DLC1: variants seen among roughly 807,000 people sequenced by gnomAD.
DLC1 encodes rho GTPase-activating protein 7.
Under a neutral mutation model 140.3 loss-of-function variants are expected in DLC1, and 54 were observed. The observed-to-expected ratio is 0.38, with a 90% CI of 0.31 to 0.48. The LOEUF is 0.48. Ranked by LOEUF, DLC1 falls within the 20% of genes least tolerant of loss-of-function variation. The pLI, the probability that DLC1 is intolerant of heterozygous loss-of-function variation, is 0.96. For synonymous variants in DLC1, 986 were observed against 728.1 expected (o/e 1.35, Z -5.70); for missense variants, 2,536 against 1,907.0 (o/e 1.33, Z -6.14).
At chr8:13,210,815 A>G in intron 5 of DLC1, among the ~76,000 whole-genome samples, 1 of 152,178 alleles carries the variant, frequency 6.6e-6, no homozygotes, top group East Asian at 1.9e-4. Flanking sequence ...AAAACCAAAT[A>G]CAGCATTTGC....
intron 5 of DLC1, among the ~76,000 whole-genome samples, chr8:13,283,918 C>A (rs1831453674): frequency 6.6e-6 from 1 of 152,126 alleles, no homozygotes; most frequent in African/African-American, 2.4e-5. Context: ...AGAGTGAGAT[C>A]TGCAGAGGGG....
At chr8:13,445,331 G>C (rs947654465) in intron 2 of DLC1, among the ~76,000 whole-genome samples, 3 of 152,174 alleles carry the variant, frequency 2.0e-5, no homozygotes, top group Non-Finnish European at 2.9e-5. Context: ...GAGGATAAAC[G>C]AATGATCTGA....
intron 2 of DLC1, among the ~76,000 whole-genome samples, chr8:13,447,987 G>A (rs192922185): frequency 3.9e-5 from 6 of 152,124 alleles, no homozygotes; most frequent in Non-Finnish European, 8.8e-5. Flanking sequence ...TCTGTCCACA[G>A]TACAACAAAA....
chr8:13,389,633 G>C (rs1002249915), intron 4 of DLC1, among the ~76,000 whole-genome samples: 1 of 152,038 alleles, frequency 6.6e-6, no homozygotes, highest in African/African-American at 2.4e-5. Flanking sequence ...TCTACACATA[G>C]AATTAATGAA....
At chr8:13,273,637 T>C (rs772069189) in intron 5 of DLC1, among the ~76,000 whole-genome samples, 14 of 149,774 alleles carry the variant, frequency 9.3e-5, no homozygotes, top group Non-Finnish European at 1.8e-4. Flanking sequence ...CAAGGAGATG[T>C]AAATGATGCT....
At chr8:13,163,290 G>T (rs1394399845) in intron 5 of DLC1, among the ~76,000 whole-genome samples, 3 of 152,160 alleles carry the variant, frequency 2.0e-5, no homozygotes, top group Admixed American at 2.0e-4. Flanking sequence ...TGGATTGTTT[G>T]ATTGGTAAAT....
chr8:13,419,167 C>A, intron 2 of DLC1, among the ~76,000 whole-genome samples: 1 of 152,092 alleles, frequency 6.6e-6, no homozygotes, highest in East Asian at 1.9e-4. Context: ...CAAACAGGGA[C>A]AATTTGACTT....
Position 13,321,947 on chromosome 8 carries a change from G to T in DLC1, c.1315-16645C>A, listed in dbSNP as rs1055559867. Among the ~76,000 whole-genome samples the T allele has an allele frequency of 2.0e-5, 3 of 151,852 alleles. No individual in the cohort carries two copies. The East Asian group carries it at 5.8e-4, about 29-fold the overall frequency. On this transcript the variant is annotated intron_variant, in intron 4 of 17. Transcript: ENST00000276297. ...CTGCAAATATTTTTTTTAGTATCTG[G>T]GTAAAAATTCCATTAACAAATGCTG...
At chr8:13,412,599 T>G (rs1340457256) in intron 2 of DLC1, among the ~76,000 whole-genome samples, 1 of 152,158 alleles carries the variant, frequency 6.6e-6, no homozygotes, top group African/African-American at 2.4e-5. Flanking sequence ...TCACATGCAC[T>G]GACAGGGCCA....
chr8:13,586,283 C>T (rs965985375), intron 1 of DLC1, among the ~76,000 whole-genome samples: 1 of 152,070 alleles, frequency 6.6e-6, no homozygotes, highest in African/African-American at 2.4e-5. Context: ...GAATGAGGCT[C>T]TGAAACTTGG....
intron 5 of DLC1, among the ~76,000 whole-genome samples, chr8:13,185,178 T>G (rs1418357155): frequency 6.7e-6 from 1 of 149,836 alleles, no homozygotes; most frequent in Non-Finnish European, 1.5e-5. Context: ...CTCCATCCCT[T>G]TATTTTGAGC....
chr8:13,319,809 TTCTC>T (rs1235407854), intron 4 of DLC1, among the ~76,000 whole-genome samples: 1 of 114,346 alleles, frequency 8.7e-6, no homozygotes, highest in East Asian at 3.0e-4. Context: ...CATTGTTTAA[TTCTC>T]TCTCTCTCTT....
intron 1 of DLC1, among the ~76,000 whole-genome samples, chr8:13,525,552 C>T (rs1051532277): frequency 2.7e-4 from 41 of 152,154 alleles, no homozygotes; most frequent in Non-Finnish European, 5.9e-5. Context: ...GGTCATTTCT[C>T]ATTGTGGTTT....
At chr8:13,558,421 G>A (rs1804128973) in intron 1 of DLC1, 1 of 152,040 alleles carries the variant, frequency 6.6e-6, no homozygotes, top group East Asian at 1.9e-4. Flanking sequence ...ACTCCCTGAA[G>A]GACTTGATAC....
chr8:13,302,762 C>A, intron 5 of DLC1, among the ~76,000 whole-genome samples: 1 of 150,788 alleles, frequency 6.6e-6, no homozygotes. Context: ...AAGCTTAATC[C>A]TATTTAAGAG....
chr8:13,560,757 A>C (rs1158132603), intron 1 of DLC1, among the ~76,000 whole-genome samples: 1 of 152,074 alleles, frequency 6.6e-6, no homozygotes, highest in Non-Finnish European at 1.5e-5. Flanking sequence ...TAATATGGCT[A>C]GTGTCCCTGT....
At chr8:13,491,018 G>A in intron 2 of DLC1, among the ~76,000 whole-genome samples, 1 of 146,072 alleles carries the variant, frequency 6.8e-6, no homozygotes, top group African/African-American at 2.5e-5. Flanking sequence ...TATAAATTCA[G>A]AATATATATA....
intron 5 of DLC1, among the ~76,000 whole-genome samples, chr8:13,121,584 T>C (rs1319465213): frequency 6.6e-6 from 1 of 152,148 alleles, no homozygotes; most frequent in East Asian, 1.9e-4. Flanking sequence ...GGTTTTACTC[T>C]GTCACCTAGG....
intron 5 of DLC1, among the ~76,000 whole-genome samples, chr8:13,260,707 G>A (rs1830440026): frequency 6.6e-6 from 1 of 152,078 alleles, no homozygotes; most frequent in Non-Finnish European, 1.5e-5. Flanking sequence ...TATATATATG[G>A]TACTTTGAGT....
Sources: allele counts gnomAD v4.1 joint callset (sites outside exome capture counted in the v4.1 genomes callset), GRCh38; gene constraint gnomAD v4.1.1; transcripts MANE v1.5; gene names NCBI Gene and HGNC (gene_info 2026-07-23, HGNC 2026-07-21).